The following CAST variants were observed in gnomAD, a reference collection of about 807,000 sequenced individuals.
CAST encodes calpastatin, also known as MIR583 host.
CAST carries 76 observed loss-of-function variants against 119.6 expected under a neutral mutation model. The observed-to-expected ratio is 0.64, with a 90% CI of 0.53 to 0.77. The LOEUF is 0.77. Ranked by LOEUF, CAST falls within the 30% of genes least tolerant of loss-of-function variation. The pLI is 0.00. For synonymous variants in CAST, 319 were observed against 331.6 expected (o/e 0.96, Z 0.41); for missense variants, 953 against 946.5 (o/e 1.01, Z -0.09).
At chr5:96,385,453 C>T in the CAST span, among the ~76,000 whole-genome samples, 1 of 152,260 alleles carries the variant, frequency 6.6e-6, no homozygotes, top group East Asian at 1.9e-4. Flanking sequence ...TTTAAAATTG[C>T]GGCTTAACTG....
chr5:96,671,036 C>T (rs1750002303), intron 1 of CAST, among the ~76,000 whole-genome samples: 1 of 152,154 alleles, frequency 6.6e-6, no homozygotes, highest in African/African-American at 2.4e-5. Context: ...GAGGCTGTCA[C>T]CTAGAATGAG....
intron 1 of CAST, among the ~76,000 whole-genome samples, chr5:96,622,513 G>C (rs1425727376): frequency 6.6e-6 from 1 of 152,160 alleles, no homozygotes; most frequent in Non-Finnish European, 1.5e-5. Context: ...TGTTTCCCTG[G>C]ATGTTGGTTG....
chr5:96,710,229 G>A (rs532583428), intron 3 of CAST, among the ~76,000 whole-genome samples: 2 of 152,272 alleles, frequency 1.3e-5, no homozygotes, highest in East Asian at 3.9e-4. Context: ...AATATCTTAT[G>A]TGATCCTTTC....
chr5:96,470,024 T>C, the CAST span, among the ~76,000 whole-genome samples: 2 of 151,538 alleles, frequency 1.3e-5, no homozygotes, highest in African/African-American at 4.8e-5. Context: ...AAATTAATGT[T>C]ATATCTACTT....
chr5:96,359,138 C>G, the CAST span, among the ~76,000 whole-genome samples: 1 of 152,244 alleles, frequency 6.6e-6, no homozygotes, highest in African/African-American at 2.4e-5. Flanking sequence ...TCTGTTTTAT[C>G]AGAAACTAGG....
the CAST span, among the ~76,000 whole-genome samples, chr5:96,009,919 G>A: frequency 6.6e-6 from 1 of 152,120 alleles, no homozygotes; most frequent in Non-Finnish European, 1.5e-5. Flanking sequence ...TATTTTTATG[G>A]TTTGAGGTCT....
intron 1 of CAST, among the ~76,000 whole-genome samples, chr5:96,547,416 A>G (rs1746038118): frequency 6.6e-6 from 1 of 152,222 alleles, no homozygotes; most frequent in Admixed American, 6.5e-5. Flanking sequence ...GGACCAGCCC[A>G]AGGGCAGGAG....
chr5:96,288,450 G>C, the CAST span, among the ~76,000 whole-genome samples: 1 of 152,060 alleles, frequency 6.6e-6, no homozygotes, highest in Non-Finnish European at 1.5e-5. Context: ...CCTTTCCTCA[G>C]GTTTGCAATA....
chr5:96,028,939 G>A, the CAST span, among the ~76,000 whole-genome samples: 7 of 152,106 alleles, frequency 4.6e-5, no homozygotes, highest in African/African-American at 7.2e-5. Context: ...AGGTGAGCAC[G>A]CCAGGATTTT....
the CAST span, among the ~76,000 whole-genome samples, chr5:96,157,492 G>GGT: frequency 6.6e-6 from 1 of 152,222 alleles, no homozygotes; most frequent in African/African-American, 2.4e-5. Context: ...TGGCACTAAA[G>GGT]GTGTGGTGTC....
At chr5:96,089,653 C>T in the CAST span, among the ~76,000 whole-genome samples, 2 of 152,218 alleles carry the variant, frequency 1.3e-5, no homozygotes, top group African/African-American at 2.4e-5. Context: ...TATACATGTG[C>T]GTGTTTTTGT....
chr5:96,767,544 G>T, intron 28 of CAST, 62 bp downstream of exon 28: 1 of 1,345,468 alleles, frequency 7.4e-7, no homozygotes, highest in South Asian at 1.2e-5. Context: ...AGGGGTATTT[G>T]GCATTTTAGA....
intron 24 of CAST, among the ~76,000 whole-genome samples, chr5:96,758,424 G>A (rs1766837923): frequency 6.6e-6 from 1 of 152,134 alleles, no homozygotes; most frequent in African/African-American, 2.4e-5. Context: ...AATATATAGT[G>A]AGTCTGTTAG....
At position 96,774,637 on chromosome 5, in the gene CAST, TAATC is replaced by T; in HGVS notation, c.*2024_*2027del. 3 of 985,266 alleles carry T rather than the reference TAATC, an allele frequency of 3.0e-6. No individual in the cohort carries two copies. The highest frequency in any genetic ancestry group is 6.1e-5 in the Admixed American group (1 of 16,290). 61.0% of individuals were successfully genotyped at this position (985,266 alleles called of 1,614,324 possible). A position where few individuals can be genotyped will look rare whatever the true frequency, so the allele number is the denominator to read the frequency against. ...GAAAATCAATATTTCCATGTTTCAT[TAATC>T]AAGGCATAAAATACAATTAAAGCAA... On this transcript the variant is annotated 3_prime_UTR_variant, in exon 32 of 32. Transcript: ENST00000675179.
At chr5:96,162,390 C>T in the CAST span, among the ~76,000 whole-genome samples, 2 of 152,044 alleles carry the variant, frequency 1.3e-5, no homozygotes, top group African/African-American at 4.8e-5. Context: ...CTACTTCATT[C>T]TACTAGCACG....
chr5:96,023,124 T>C, the CAST span, among the ~76,000 whole-genome samples: 8 of 152,176 alleles, frequency 5.3e-5, no homozygotes, highest in African/African-American at 1.9e-4. Flanking sequence ...GGAACAGATG[T>C]CATCTCTTGT....
the CAST span, among the ~76,000 whole-genome samples, chr5:96,414,736 T>C: frequency 6.6e-6 from 1 of 152,244 alleles, no homozygotes; most frequent in Non-Finnish European, 1.5e-5. Flanking sequence ...TCACAAACTA[T>C]AGCTGTTTCG....
In CAST at chr5:96,767,885, G is replaced by A. The variant is rs27765; in HGVS notation, c.2176-22G>A. The A allele has an allele frequency of 0.058, 89,169 of 1,534,840 alleles. 2,968 individuals carry two copies. Among genetic ancestry groups the A allele is most frequent in the South Asian group, 0.095 (8,505 of 89,304 alleles). On this transcript the variant is annotated intron_variant, in intron 28 of 31. Transcript: ENST00000675179. ...TTTGCCTTCTGCTTCTTCACTGATGGTTATTTCTACTCATATCTCAGAAAC... is the reference window on the plus strand; with the variant it reads ...TTTGCCTTCTGCTTCTTCACTGATGATTATTTCTACTCATATCTCAGAAAC...
the CAST span, among the ~76,000 whole-genome samples, chr5:96,262,722 A>G: frequency 1.3e-5 from 2 of 152,012 alleles, no homozygotes; most frequent in Non-Finnish European, 2.9e-5. Context: ...TTTTTAGTAG[A>G]GATAGGGTTT....
Sources: allele counts gnomAD v4.1 joint callset (sites outside exome capture counted in the v4.1 genomes callset), GRCh38; gene constraint gnomAD v4.1.1; transcripts MANE v1.5; gene names NCBI Gene and HGNC (gene_info 2026-07-23, HGNC 2026-07-21).